The following TENM4 variants were observed in gnomAD, a reference collection of about 807,000 sequenced individuals.
The protein encoded by TENM4 is teneurin-4.
A neutral mutation model predicts 243.3 loss-of-function variants in TENM4; 82 were observed. The ratio of observed to expected loss-of-function variants is 0.34; its 90% CI spans 0.28 to 0.40. The LOEUF (loss-of-function observed/expected upper bound fraction) is 0.40, where lower values mean the gene tolerates loss of function less well. TENM4 is among the 10% of genes least tolerant of loss of function. TENM4 has a pLI of 1.00. For missense variants in TENM4, 3,138 were observed against 3,673.3 expected (o/e 0.85, Z 3.77); for synonymous variants, 1,412 against 1,456.3 (o/e 0.97, Z 0.69).
intron 7 of TENM4, among the ~76,000 whole-genome samples, chr11:78,894,977 C>G (rs1591107910): frequency 2.1e-5 from 1 of 47,154 alleles, no homozygotes; most frequent in Non-Finnish European, 4.5e-5. Context: ...GAGACTCGGC[C>G]TTAAAAAAAA....
chr11:78,675,689 T>G (rs1230047841), intron 30 of TENM4, among the ~76,000 whole-genome samples: 1 of 152,180 alleles, frequency 6.6e-6, no homozygotes, highest in African/African-American at 2.4e-5. Context: ...CTGAGCTGAA[T>G]TTTGGGACAT....
intron 1 of TENM4, among the ~76,000 whole-genome samples, chr11:79,318,573 G>A (rs1167314434): frequency 2.0e-5 from 3 of 152,142 alleles, no homozygotes; most frequent in African/African-American, 7.2e-5. Context: ...TGAAGGTGGA[G>A]TTGGAAAGAG....
chr11:78,879,218 G>A (rs370057746), intron 9 of TENM4, among the ~76,000 whole-genome samples: 14 of 147,330 alleles, frequency 9.5e-5, no homozygotes, highest in South Asian at 2.2e-4. Flanking sequence ...AGTGAGAAGC[G>A]CCTCTGCCCG....
At chr11:78,907,083 C>G (rs938436979) in intron 6 of TENM4, among the ~76,000 whole-genome samples, 1 of 152,084 alleles carries the variant, frequency 6.6e-6, no homozygotes, top group African/African-American at 2.4e-5. Flanking sequence ...CTCACCCTTT[C>G]TAGCTTGAGA....
chr11:79,314,520 G>A (rs541732166), intron 1 of TENM4, among the ~76,000 whole-genome samples: 1 of 152,290 alleles, frequency 6.6e-6, no homozygotes, highest in African/African-American at 2.4e-5. Context: ...GACCCCAACA[G>A]GGGAAAACAA....
At chr11:79,105,099 A>G (rs893643824) in intron 4 of TENM4, among the ~76,000 whole-genome samples, 3 of 152,200 alleles carry the variant, frequency 2.0e-5, no homozygotes, top group Non-Finnish European at 4.4e-5. Context: ...CCACAACTCA[A>G]TATAGCACAG....
chr11:79,257,458 G>A (rs117093193), intron 2 of TENM4, among the ~76,000 whole-genome samples: 7,083 of 152,252 alleles, frequency 0.047, 229 homozygotes, highest in Non-Finnish European at 0.071. Context: ...TCCTCAGCTA[G>A]AGGGAGAGGA....
At chr11:78,835,851 A>G (rs1565399581) in intron 12 of TENM4, among the ~76,000 whole-genome samples, 2 of 152,192 alleles carry the variant, frequency 1.3e-5, no homozygotes, top group Non-Finnish European at 2.9e-5. Flanking sequence ...GTCTTTCCGG[A>G]CAGACTTGAA....
intron 4 of TENM4, among the ~76,000 whole-genome samples, chr11:79,107,647 A>G (rs1861406088): frequency 6.6e-6 from 1 of 152,218 alleles, no homozygotes; most frequent in Non-Finnish European, 1.5e-5. Context: ...GAACCTTCCC[A>G]GTGGTCTCAG....
intron 1 of TENM4, among the ~76,000 whole-genome samples, chr11:79,317,238 C>G (rs1164265816): frequency 6.6e-6 from 1 of 152,224 alleles, no homozygotes; most frequent in African/African-American, 2.4e-5. Flanking sequence ...AGACACAACT[C>G]CATGTATCCA....
chr11:79,439,670 C>CACAA (rs1353735846), intron 1 of TENM4, among the ~76,000 whole-genome samples: 1 of 150,562 alleles, frequency 6.6e-6, no homozygotes, highest in Non-Finnish European at 1.5e-5. Context: ...TGTCCACACA[C>CACAA]ACACACACAC....
At chr11:79,266,210 G>A (rs1179743759) in intron 2 of TENM4, among the ~76,000 whole-genome samples, 2 of 152,168 alleles carry the variant, frequency 1.3e-5, no homozygotes, top group Non-Finnish European at 2.9e-5. Context: ...CTCAGTAAAT[G>A]TTAGATGAAT....
At chr11:78,759,683 A>G (rs1054602536) in intron 18 of TENM4, among the ~76,000 whole-genome samples, 1 of 152,210 alleles carries the variant, frequency 6.6e-6, no homozygotes, top group Non-Finnish European at 1.5e-5. Context: ...GATGGCGATG[A>G]TGATGATGAA....
intron 3 of TENM4, among the ~76,000 whole-genome samples, chr11:79,183,225 A>G (rs1205905385): frequency 6.6e-6 from 1 of 152,216 alleles, no homozygotes; most frequent in Non-Finnish European, 1.5e-5. Context: ...ATTATTTAAC[A>G]CTAAAGTAAA....
intron 6 of TENM4, among the ~76,000 whole-genome samples, chr11:79,025,295 A>G (rs746940705): frequency 2.0e-5 from 3 of 148,802 alleles, no homozygotes; most frequent in Admixed American, 6.7e-5. Context: ...GAATGAATGA[A>G]TGAGTGATTC....
intron 29 of TENM4, 81 bp from the exon 30 acceptor site, chr11:78,676,468 G>T: frequency 8.8e-7 from 1 of 1,131,938 alleles, no homozygotes; most frequent in Non-Finnish European, 1.2e-6. Context: ...CGGTGGAGGG[G>T]ACTTTAAAGG....
intron 18 of TENM4, among the ~76,000 whole-genome samples, chr11:78,762,799 T>C (rs1260097808): frequency 6.9e-6 from 1 of 145,584 alleles, no homozygotes; most frequent in African/African-American, 2.7e-5. Context: ...ACAGTGCATA[T>C]GGCTGTTCTA....
chr11:79,367,412 C>T (rs1590914486), intron 1 of TENM4, among the ~76,000 whole-genome samples: 1 of 152,262 alleles, frequency 6.6e-6, no homozygotes, highest in East Asian at 1.9e-4. Context: ...CCTCCCCTTC[C>T]TCTCCCTCTT....
intron 1 of TENM4, among the ~76,000 whole-genome samples, chr11:79,339,722 G>GAA (rs57920060): frequency 1.3e-4 from 20 of 151,460 alleles, no homozygotes; most frequent in Non-Finnish European, 1.3e-4. Context: ...GCAAGAGAGG[G>GAA]AAAAAAAATG....
Sources: allele counts gnomAD v4.1 joint callset (sites outside exome capture counted in the v4.1 genomes callset), GRCh38; gene constraint gnomAD v4.1.1; transcripts MANE v1.5; gene names NCBI Gene and HGNC (gene_info 2026-07-23, HGNC 2026-07-21).